Variants in ITGA6 observed in about 807,000 individuals in gnomAD.
The protein encoded by ITGA6 is integrin alpha-6.
Under a neutral mutation model 133.6 loss-of-function variants are expected in ITGA6, and 63 were observed. That is an observed-to-expected ratio of 0.47 (90% CI 0.38 to 0.58). ITGA6 has a LOEUF of 0.58. Ranked by LOEUF, ITGA6 falls within the 20% of genes least tolerant of loss-of-function variation. ITGA6 has a pLI of 0.00. For missense variants in ITGA6, 1,068 were observed against 1,309.4 expected (o/e 0.82, Z 2.85); for synonymous variants, 434 against 482.0 (o/e 0.90, Z 1.30).
rs544210607 is a variant in ITGA6, at chr2:172,449,439, C to G, written c.183-16100C>G. Among the ~76,000 whole-genome samples the G allele has an allele frequency of 2.6e-5, 4 of 152,240 alleles. No homozygotes were observed. In the South Asian group the frequency reaches 8.3e-4, roughly 32 times the overall value. ...CCATTTATTGAATGCCAAGGATATA[C>G]CAGCTACTGCTCCAGATGTTGTATT... is the stretch of plus-strand genomic sequence containing the variant. On this transcript the variant is annotated intron_variant, in intron 1 of 25. Coordinates refer to ENST00000684293, the MANE Select transcript of ITGA6 (RefSeq NM_000210.4).
upstream of ITGA6, chr2:172,427,442 C>CG (rs1683883752): frequency 3.9e-6 from 4 of 1,032,444 alleles, no homozygotes; most frequent in Non-Finnish European, 4.6e-6. Flanking sequence ...GGGCAGGTAC[C>CG]GGGCAGCTGG....
chr2:172,456,207 G>A (rs939925216), intron 1 of ITGA6, among the ~76,000 whole-genome samples: 17 of 152,162 alleles, frequency 1.1e-4, no homozygotes, highest in Admixed American at 6.5e-5. Context: ...GTCAAGCTGC[G>A]GGAAAGGAGA....
chr2:172,487,637 G>A lies in ITGA6; in HGVS notation c.2244+7G>A, dbSNP rs1686746348. The A allele has an allele frequency of 6.2e-7, 1 of 1,612,688 alleles. No individual in the cohort carries two copies. Among genetic ancestry groups the A allele is most frequent in the African/African-American group, 1.3e-5 (1 of 74,900 alleles). On this transcript the variant is annotated splice_region_variant and intron_variant, in intron 16 of 25. Transcript: ENST00000684293. The stretch of plus-strand genomic sequence containing the variant: ...TTTTAAAAGAAATTCAAATGTAGGT[G>A]ATGCCTTCATATACTGTATTTTACT...
intron 11 of ITGA6, among the ~76,000 whole-genome samples, chr2:172,481,409 C>G (rs1229406844): frequency 6.6e-6 from 1 of 152,154 alleles, no homozygotes; most frequent in African/African-American, 2.4e-5. Flanking sequence ...TCTTCTTTAA[C>G]TTTATATGAA....
rs927041054 is a variant in ITGA6 at position 172,488,109 on chromosome 2, GT to G, written c.2403-11del. On this transcript the variant is annotated splice_polypyrimidine_tract_variant and intron_variant, in intron 18 of 25. Coordinates refer to ENST00000684293, the MANE Select transcript of ITGA6 (RefSeq NM_000210.4). ...ATTTACAATCCTCATTAAAACTGGT[GT>G]TTTTTAATTTGACAGAGTTGCTAAA... 10 of 1,611,708 alleles carry G rather than the reference GT, an allele frequency of 6.2e-6. No individual in the cohort carries two copies. The African/African-American group carries it at 1.3e-4, about 21-fold the overall frequency.
chr2:172,457,727 C>T (rs1685269207), intron 1 of ITGA6, among the ~76,000 whole-genome samples: 2 of 152,150 alleles, frequency 1.3e-5, no homozygotes, highest in East Asian at 3.8e-4. Context: ...GTTGTGGTAA[C>T]AGCTGGGGAA....
In ITGA6 at chr2:172,497,163, T is replaced by C. The variant is rs183393992; in HGVS notation, c.2989-812T>C. On this transcript the variant is annotated intron_variant, in intron 23 of 25. Transcript: ENST00000684293. Reference sequence around the variant, plus strand: ...TAAAGTCTGAATGAGGAATGTTGGCTACTTTTGCCTAAACTGGCCCTTTTC... The same window carrying C: ...TAAAGTCTGAATGAGGAATGTTGGCCACTTTTGCCTAAACTGGCCCTTTTC... Among the ~76,000 whole-genome samples the C allele has an allele frequency of 2.2e-3, 338 of 152,320 alleles. 1 individual carries two copies. The highest frequency in any genetic ancestry group is 4.1e-3 in the Non-Finnish European group (278 of 68,028).
At chr2:172,479,607 G>A (rs996497505) in intron 9 of ITGA6, 34 bp from the exon 10 acceptor site, 10 of 1,552,316 alleles carry the variant, frequency 6.4e-6, no homozygotes, top group Admixed American at 1.7e-5. Context: ...AGGTAACAGA[G>A]GCTGAGCTTG....
At chr2:172,480,414 G>GGGT (rs1686386303) in intron 11 of ITGA6, among the ~76,000 whole-genome samples, 1 of 152,154 alleles carries the variant, frequency 6.6e-6, no homozygotes, top group Non-Finnish European at 1.5e-5. Flanking sequence ...GTGAGGTGGT[G>GGGT]GGTGGTGGCT....
chr2:172,459,056 CAG>C (rs1249168653), intron 1 of ITGA6, among the ~76,000 whole-genome samples: 1 of 151,964 alleles, frequency 6.6e-6, no homozygotes. Context: ...GACTAGTTAA[CAG>C]AGGTTTCAGA....
chr2:172,429,992 G>C (rs1295660402), intron 1 of ITGA6, among the ~76,000 whole-genome samples: 1 of 152,198 alleles, frequency 6.6e-6, no homozygotes, highest in Non-Finnish European at 1.5e-5. Flanking sequence ...GAGCCAGTAA[G>C]ACTGAGAAAA....
intron 1 of ITGA6, among the ~76,000 whole-genome samples, chr2:172,452,694 T>C (rs1296369819): frequency 1.3e-5 from 2 of 152,218 alleles, no homozygotes; most frequent in Non-Finnish European, 2.9e-5. Context: ...AAGTTCAAGC[T>C]TCGTCTGCCA....
intron 1 of ITGA6, among the ~76,000 whole-genome samples, chr2:172,436,409 AG>A (rs533045381): frequency 9.1e-4 from 138 of 152,326 alleles, no homozygotes; most frequent in African/African-American, 3.0e-3. Flanking sequence ...GCTGCTACAG[AG>A]GTTAACTGAG....
intron 1 of ITGA6, among the ~76,000 whole-genome samples, chr2:172,454,771 G>T (rs1381333131): frequency 1.3e-5 from 2 of 152,186 alleles, no homozygotes; most frequent in Non-Finnish European, 2.9e-5. Context: ...AAGTATCCTG[G>T]ATTATCCAAA....
At chr2:172,429,847 C>T (rs1684037317) in intron 1 of ITGA6, among the ~76,000 whole-genome samples, 1 of 152,188 alleles carries the variant, frequency 6.6e-6, no homozygotes, top group Non-Finnish European at 1.5e-5. Flanking sequence ...ACGTGCTGCC[C>T]ACCTCCATGC....
intron 24 of ITGA6, among the ~76,000 whole-genome samples, chr2:172,501,552 C>G (rs1377756015): frequency 6.6e-6 from 1 of 152,178 alleles, no homozygotes; most frequent in Non-Finnish European, 1.5e-5. Flanking sequence ...AATGAGCTGA[C>G]TAGTGTCATC....
Position 172,488,149 on chromosome 2 carries a change from A to G in ITGA6, c.2426A>G (p.Tyr809Cys). The G allele has an allele frequency of 6.2e-7, 1 of 1,614,036 alleles. No homozygotes were observed. The highest frequency in any genetic ancestry group is 8.5e-7 in the Non-Finnish European group (1 of 1,179,936). The change falls in exon 19 of 26, where the codon TAT (tyrosine) becomes TGT (cysteine). Residue 809 changes from tyrosine (Y) to cysteine (C), a missense_variant. Tyr to Cys is a radical substitution (Grantham distance 194). Transcript: ENST00000684293. ...AGAGTTGCTAAACCTTCCCAGGTGT[A>G]TTTTGGAGGTACAGTTGTTGGCGAG... ...VSGVAKPSQV[Y>C]FGGTVVGEQA... is the part of the protein sequence containing the mutation.
intron 1 of ITGA6, among the ~76,000 whole-genome samples, chr2:172,450,181 A>G (rs1684928602): frequency 6.6e-6 from 1 of 152,208 alleles, no homozygotes; most frequent in Admixed American, 6.5e-5. Flanking sequence ...AGAATGTGGC[A>G]GGAATTCAAA....
intron 1 of ITGA6, among the ~76,000 whole-genome samples, chr2:172,449,141 A>G (rs1227465894): frequency 6.6e-6 from 1 of 152,162 alleles, no homozygotes; most frequent in East Asian, 1.9e-4. Flanking sequence ...AGGGCTCCCA[A>G]TTGTGGTGGG....
Sources: gnomAD v4.1 joint callset for allele counts (sites outside exome capture counted in the v4.1 genomes callset) on GRCh38, gnomAD v4.1.1 for gene constraint, MANE v1.5 for transcripts, NCBI Gene and HGNC (gene_info 2026-07-23, HGNC 2026-07-21) for gene names.